Variants in ATP7B observed in about 807,000 individuals in gnomAD.
ATP7B encodes copper-transporting ATPase 2.
ATP7B carries 113 observed loss-of-function variants against 118.9 expected under a neutral mutation model. The ratio of observed to expected loss-of-function variants is 0.95; its 90% CI spans 0.82 to 1.11. ATP7B has a LOEUF of 1.11. Ranked by LOEUF, ATP7B falls within the 50% of genes most tolerant of loss-of-function variation. The pLI, the probability that ATP7B is intolerant of heterozygous loss-of-function variation, is 0.00. For synonymous variants in ATP7B, 777 were observed against 727.4 expected, an observed-to-expected ratio of 1.07 and a Z score of -1.10; for missense variants, 1,867 against 1,871.4, an observed-to-expected ratio of 1.00 and a Z score of 0.04.
intron 1 of ATP7B, among the ~76,000 whole-genome samples, chr13:51,981,159 G>C (rs184378614): frequency 6.6e-6 from 1 of 152,294 alleles, no homozygotes; most frequent in Non-Finnish European, 1.5e-5. Context: ...AAACGCTGCT[G>C]AGAAATCCGA....
At chr13:52,009,090 G>A (rs926531887) in intron 1 of ATP7B, among the ~76,000 whole-genome samples, 5 of 151,892 alleles carry the variant, frequency 3.3e-5, no homozygotes, top group Admixed American at 3.3e-4. Context: ...CTGCCAGGCT[G>A]GTCTTGAACT....
intron 17 of ATP7B, 21 bp from the exon 18 acceptor site, chr13:51,937,700 T>A (rs561166926): frequency 1.2e-6 from 2 of 1,613,234 alleles, no homozygotes; most frequent in South Asian, 2.2e-5. Context: ...AGGAAGGCAA[T>A]GCCTAGTGTT....
rs748364549 is a variant in ATP7B at position 51,974,387 on chromosome 13, T to C, written c.833A>G (p.Asn278Ser). 1 of 1,614,002 alleles carries C rather than the reference T, an allele frequency of 6.2e-7. No homozygotes were observed. The highest frequency in any genetic ancestry group is 1.1e-5 in the South Asian group (1 of 91,080). ...TTGAACCCCTAGGAGCTGGCCAATA[T>C]TTTCTTCAATATTCAAGACGCAAGA... ...CKSCVLNIEE[N>S]IGQLLGVQSI... The change falls in exon 2 of 21, where the codon AAT (asparagine) becomes AGT (serine). Residue 278 changes from asparagine to serine, a missense_variant. Coordinates refer to ENST00000242839, the MANE Select transcript of ATP7B (RefSeq NM_000053.4).
chr13:51,987,344 C>A (rs1477716260), intron 1 of ATP7B, among the ~76,000 whole-genome samples: 1 of 152,184 alleles, frequency 6.6e-6, no homozygotes, highest in Non-Finnish European at 1.5e-5. Context: ...CCCAGGAATA[C>A]AATTTGGCAA....
intron 2 of ATP7B, among the ~76,000 whole-genome samples, chr13:51,971,879 T>C (rs973065033): frequency 1.3e-5 from 2 of 152,342 alleles, no homozygotes; most frequent in South Asian, 2.1e-4. Flanking sequence ...AGTTCAGCCA[T>C]CCCTGAGCAC....
intron 1 of ATP7B, among the ~76,000 whole-genome samples, chr13:52,010,697 T>A (rs1254654896): frequency 6.6e-6 from 1 of 152,262 alleles, no homozygotes; most frequent in Non-Finnish European, 1.5e-5. Context: ...ACATGTCTTG[T>A]TAACCACTGT....
At chr13:51,989,810 C>T (rs1342824997) in intron 1 of ATP7B, among the ~76,000 whole-genome samples, 1 of 152,112 alleles carries the variant, frequency 6.6e-6, no homozygotes, top group African/African-American at 2.4e-5. Context: ...TATCAATTAA[C>T]AGCATTTTCC....
At position 51,971,333 on chromosome 13, in the gene ATP7B, T is replaced by C. The variant is rs536623270; in HGVS notation, c.1286-584A>G. On this transcript the variant is annotated intron_variant, in intron 2 of 20. Transcript: ENST00000242839. ...GTTTATACTAAAAAACCATTCATTGTTTATGAAAAATTAAAATTTAAGTAG... is the reference window on the plus strand; with the variant it reads ...GTTTATACTAAAAAACCATTCATTGCTTATGAAAAATTAAAATTTAAGTAG... 2.6e-5 allele frequency among the ~76,000 whole-genome samples: 4 copies of C among 152,366 alleles called. No individual in the cohort carries two copies. The South Asian group carries it at 8.3e-4, about 32-fold the overall frequency.
rs1956918967 is a variant in ATP7B, at chr13:51,935,705, AAAG to A, written c.4022-13_4022-11del. On this transcript the variant is annotated splice_polypyrimidine_tract_variant and intron_variant, in intron 19 of 20. Coordinates refer to ENST00000242839, the MANE Select transcript of ATP7B (RefSeq NM_000053.4). ...ATGGGCATGAAGACACCTGGGGAAG[AAAG>A]AACTCGCACTCACACCTAGGTCTGG... 1 of 1,607,960 alleles carries A rather than the reference AAAG, an allele frequency of 6.2e-7. No homozygotes were observed. Among genetic ancestry groups the A allele is most frequent in the South Asian group, 1.1e-5 (1 of 89,626 alleles).
At chr13:51,989,340 T>A (rs1324839660) in intron 1 of ATP7B, among the ~76,000 whole-genome samples, 1 of 152,170 alleles carries the variant, frequency 6.6e-6, no homozygotes, top group African/African-American at 2.4e-5. Flanking sequence ...TTCAAACACA[T>A]AGGAGGGCCT....
intron 1 of ATP7B, among the ~76,000 whole-genome samples, chr13:51,984,183 A>G (rs998408762): frequency 1.3e-5 from 2 of 152,158 alleles, no homozygotes; most frequent in African/African-American, 4.8e-5. Context: ...GGTTAGAGAA[A>G]TTGCTAACTA....
rs1457401525 is a variant in ATP7B at position 51,933,288 on chromosome 13, T to C, written c.*1468A>G. 1 of 152,230 alleles carries C rather than the reference T, an allele frequency of 6.6e-6. No homozygotes were observed. Among genetic ancestry groups the C allele is most frequent in the Non-Finnish European group, 1.5e-5 (1 of 68,054 alleles). The allele number at this position is 152,230 out of a possible 1,614,324, so 9.4% of individuals were successfully genotyped here. The stretch of plus-strand genomic sequence containing the variant: ...ATTGGCTATGTCATCCTGGGCAAAG[T>C]CCTCAGCCTCTTGGAGCCTGTTTCC... On this transcript the variant is annotated 3_prime_UTR_variant, in exon 21 of 21. Transcript: ENST00000242839.
chr13:51,951,934 A>T (rs1958034179), intron 9 of ATP7B, among the ~76,000 whole-genome samples: 1 of 152,242 alleles, frequency 6.6e-6, no homozygotes, highest in Admixed American at 6.5e-5. Flanking sequence ...GGTATATGGA[A>T]ATTACTTGAT....
At chr13:51,977,551 C>T (rs1952185291) in intron 1 of ATP7B, among the ~76,000 whole-genome samples, 1 of 152,038 alleles carries the variant, frequency 6.6e-6, no homozygotes, top group African/African-American at 2.4e-5. Context: ...TGGATACCTC[C>T]TAGGACCTGC....
rs1958498953 is a variant in ATP7B, at chr13:51,958,435, G to A, written c.2231C>T (p.Ser744Phe). ...VLATSIAYVY[S>F]LVILVVAVAE... The stretch of plus-strand genomic sequence containing the variant: ...CACAGCAACCACCAGGATGACCAGA[G>A]AATAAACATAAGCAATGCTTGTGGC... The change falls in exon 8 of 21, where the codon TCT becomes TTT. Residue 744 changes from serine to phenylalanine, a missense_variant. Transcript: ENST00000242839. 2 of 1,614,218 alleles carry A rather than the reference G, an allele frequency of 1.2e-6. No homozygotes were observed. The highest frequency in any genetic ancestry group is 2.2e-5 in the South Asian group (2 of 91,084).
intron 9 of ATP7B, among the ~76,000 whole-genome samples, chr13:51,954,495 A>T (rs1342690007): frequency 1.3e-5 from 2 of 152,274 alleles, no homozygotes; most frequent in African/African-American, 4.8e-5. Context: ...GGCTGCAAGC[A>T]GTATGAAGAG....
Position 51,974,328 on chromosome 13 carries a change from G to C in ATP7B, c.892C>G (p.Gln298Glu). Residue 298 changes from glutamine to glutamate, a missense_variant, in exon 2 of 21, where the codon CAA becomes GAA. Coordinates refer to ENST00000242839, the MANE Select transcript of ATP7B (RefSeq NM_000053.4). ...GTACAAGAAGGGTCATACTTTACTT[G>C]GGCAGTTTTGTTCTCCAAGGACACT... is the stretch of plus-strand genomic sequence containing the variant. ...IQVSLENKTA[Q>E]VKYDPSCTSP... 1.2e-6 allele frequency: 2 copies of C among 1,614,074 alleles called. No individual in the cohort carries two copies. The highest frequency in any genetic ancestry group is 1.7e-6 in the Non-Finnish European group (2 of 1,180,026).
At chr13:51,981,502 T>G (rs1442186508) in intron 1 of ATP7B, among the ~76,000 whole-genome samples, 2 of 152,108 alleles carry the variant, frequency 1.3e-5, no homozygotes, top group Non-Finnish European at 2.9e-5. Flanking sequence ...ATCCTGAATA[T>G]CTGGAATGAG....
chr13:51,993,166 G>C (rs370407565), intron 1 of ATP7B, among the ~76,000 whole-genome samples: 1 of 151,934 alleles, frequency 6.6e-6, no homozygotes, highest in Non-Finnish European at 1.5e-5. Context: ...ATTCATATTT[G>C]TTGGGAAAAC....
Sources: gnomAD v4.1 joint callset for allele counts (sites outside exome capture counted in the v4.1 genomes callset) on GRCh38, gnomAD v4.1.1 for gene constraint, MANE v1.5 for transcripts, NCBI Gene and HGNC (gene_info 2026-07-23, HGNC 2026-07-21) for gene names.